The following ACAA2 variants were observed in gnomAD, a reference collection of about 807,000 sequenced individuals.
ACAA2 encodes the protein acetyl-CoA acyltransferase 2.
ACAA2 carries 35 observed loss-of-function variants against 44.8 expected under a neutral mutation model. The observed-to-expected ratio is 0.78, with a 90% confidence interval of 0.60 to 1.04. The LOEUF is 1.04. Among genes scored for constraint, ACAA2 ranks in the 50% least tolerant of loss-of-function variants. The pLI is 0.00. For missense variants in ACAA2, 468 were observed against 482.6 expected (o/e 0.97, Z 0.28); for synonymous variants, 142 against 166.5 (o/e 0.85, Z 1.13).
At chr18:49,791,998 G>A (rs1379710485) in intron 6 of ACAA2, among the ~76,000 whole-genome samples, 154 bp downstream of exon 6, 2 of 152,090 alleles carry the variant, frequency 1.3e-5, no homozygotes, top group African/African-American at 2.4e-5. Flanking sequence ...ATTTTGTGTG[G>A]GTCTATGAAA....
chr18:49,783,365 A>C lies in ACAA2; in HGVS notation c.*482T>G, dbSNP rs1455550883. 1 of 152,454 alleles carries C rather than the reference A, an allele frequency of 6.6e-6. No individual in the cohort carries two copies. The allele number at this position is 152,454 out of a possible 1,614,324, so 9.4% of individuals were successfully genotyped here. A position where few individuals can be genotyped will look rare whatever the true frequency, so the allele number is the denominator to read the frequency against. On this transcript the variant is annotated 3_prime_UTR_variant, in exon 10 of 10. Coordinates refer to ENST00000285093, the MANE Select transcript of ACAA2 (RefSeq NM_006111.3). ...AAAGTTCTGTTGATAAAAAGTGGGGATGTTTGTATAAAAATGTGAATGTAC... is the reference window on the plus strand; with the variant it reads ...AAAGTTCTGTTGATAAAAAGTGGGGCTGTTTGTATAAAAATGTGAATGTAC...
chr18:49,786,735 T>G (rs1274302573), intron 8 of ACAA2: 3 of 152,190 alleles, frequency 2.0e-5, no homozygotes, highest in Admixed American at 2.0e-4. Flanking sequence ...TAATTATGCT[T>G]AAGACACTTT....
intron 1 of ACAA2, among the ~76,000 whole-genome samples, chr18:49,808,727 C>G (rs1030787847): frequency 3.3e-5 from 5 of 152,104 alleles, no homozygotes; most frequent in African/African-American, 1.2e-4. Context: ...TCACATGCTT[C>G]TGAGGCCAAT....
At chr18:49,804,623 TAGAATATA>T (rs1356216842) in intron 1 of ACAA2, among the ~76,000 whole-genome samples, 2 of 152,204 alleles carry the variant, frequency 1.3e-5, no homozygotes, top group Admixed American at 6.5e-5. Context: ...ATGTGTCCCT[TAGAATATA>T]AGAATATAAC....
At chr18:49,807,114 G>A (rs1483370016) in intron 1 of ACAA2, among the ~76,000 whole-genome samples, 1 of 152,208 alleles carries the variant, frequency 6.6e-6, no homozygotes, top group Non-Finnish European at 1.5e-5. Context: ...TTGATAGTGG[G>A]CTGGGCACTG....
At chr18:49,791,105 C>G (rs2023393156) in intron 7 of ACAA2, among the ~76,000 whole-genome samples, 1 of 152,236 alleles carries the variant, frequency 6.6e-6, no homozygotes, top group African/African-American at 2.4e-5. Flanking sequence ...TTCTCTGTTT[C>G]ACCCCAGGAT....
chr18:49,802,543 A>G, intron 2 of ACAA2, 144 bp downstream of exon 2: 1 of 739,078 alleles, frequency 1.4e-6, no homozygotes. Flanking sequence ...GCCTGGCGGC[A>G]GAGCGAGACT....
intron 8 of ACAA2, chr18:49,786,648 C>A (rs971310324): frequency 6.6e-6 from 1 of 152,142 alleles, no homozygotes; most frequent in Non-Finnish European, 1.5e-5. Flanking sequence ...TGCTTAATCA[C>A]CTAAAATTTT....
At chr18:49,800,522 A>G (rs904617608) in intron 2 of ACAA2, among the ~76,000 whole-genome samples, 12 of 152,174 alleles carry the variant, frequency 7.9e-5, no homozygotes, top group African/African-American at 2.9e-4. Flanking sequence ...AGAAGTAGAC[A>G]TGGGAGACTT....
chr18:49,798,261 G>T (rs1350352047), intron 2 of ACAA2, among the ~76,000 whole-genome samples: 1 of 152,198 alleles, frequency 6.6e-6, no homozygotes, highest in Non-Finnish European at 1.5e-5. Flanking sequence ...TACTTAGGGA[G>T]AAGACAGATG....
intron 1 of ACAA2, among the ~76,000 whole-genome samples, 160 bp downstream of exon 1, chr18:49,813,309 C>G (rs1178333663): frequency 6.6e-6 from 1 of 152,272 alleles, no homozygotes; most frequent in Non-Finnish European, 1.5e-5. Flanking sequence ...CCCAAACAAG[C>G]CTTTCGGGCT....
At chr18:49,792,465 G>C in intron 5 of ACAA2, 138 bp from the exon 6 acceptor site, 1 of 834,480 alleles carries the variant, frequency 1.2e-6, no homozygotes, top group East Asian at 2.8e-5. Context: ...TAATTTTTGA[G>C]ATGGAGTCTC....
intron 1 of ACAA2, chr18:49,803,076 C>T: frequency 1.7e-6 from 1 of 575,976 alleles, no homozygotes; most frequent in Non-Finnish European, 3.1e-6. Context: ...AAGAACTGCA[C>T]TGCATGCTGT....
chr18:49,801,599 G>A (rs1056632975), intron 2 of ACAA2, among the ~76,000 whole-genome samples: 6 of 151,812 alleles, frequency 4.0e-5, no homozygotes, highest in Non-Finnish European at 7.4e-5. Context: ...GCTTTTTCTG[G>A]ATGTGAAGAT....
chr18:49,787,832 C>G (rs974593711), intron 7 of ACAA2, among the ~76,000 whole-genome samples: 11 of 152,100 alleles, frequency 7.2e-5, no homozygotes, highest in African/African-American at 2.7e-4. Flanking sequence ...TATCAAAGAG[C>G]AAGGCAGACT....
chr18:49,801,810 A>ATATATC (rs1555790825), intron 2 of ACAA2, among the ~76,000 whole-genome samples: 1 of 144,990 alleles, frequency 6.9e-6, no homozygotes, highest in African/African-American at 2.5e-5. Flanking sequence ...ATATATATAT[A>ATATATC]TATATCTTAT....
intron 7 of ACAA2, among the ~76,000 whole-genome samples, chr18:49,788,746 C>T (rs2143949835): frequency 6.6e-6 from 1 of 152,330 alleles, no homozygotes; most frequent in African/African-American, 2.4e-5. Context: ...ATGACTCGTA[C>T]TTTCACTTTA....
intron 7 of ACAA2, among the ~76,000 whole-genome samples, chr18:49,787,841 C>T (rs2023351890): frequency 6.6e-6 from 1 of 152,166 alleles, no homozygotes; most frequent in Non-Finnish European, 1.5e-5. Context: ...GCAAGGCAGA[C>T]TGAGTGCTCT....
At chr18:49,802,418 T>C (rs1409457317) in intron 2 of ACAA2, among the ~76,000 whole-genome samples, 2 of 151,910 alleles carry the variant, frequency 1.3e-5, no homozygotes, top group African/African-American at 2.4e-5. Flanking sequence ...AAAAATTAGC[T>C]GGGCTTGGTG....
Sources: allele counts gnomAD v4.1 joint callset (sites outside exome capture counted in the v4.1 genomes callset), GRCh38; gene constraint gnomAD v4.1.1; transcripts MANE v1.5; gene names NCBI Gene and HGNC (gene_info 2026-07-23, HGNC 2026-07-21).